HPCAL1: variants seen among roughly 807,000 people sequenced by gnomAD.
HPCAL1 encodes the protein hippocalcin-like protein 1.
In HPCAL1, 8 loss-of-function variants were observed where a neutral mutation model predicts 17.1. That is an observed-to-expected ratio of 0.47 (90% CI 0.27 to 0.84). The LOEUF (loss-of-function observed/expected upper bound fraction) is 0.84. Ranked by LOEUF, HPCAL1 falls within the 40% of genes least tolerant of loss-of-function variation. The pLI, the probability that HPCAL1 is intolerant of heterozygous loss-of-function variation, is 0.13. For synonymous variants in HPCAL1, 112 were observed against 111.4 expected (o/e 1.01, Z -0.03); for missense variants, 165 against 271.1 (o/e 0.61, Z 2.75).
rs1414368882 is a variant in HPCAL1 at position 10,330,443 on chromosome 2, G to A, written c.-111+27266G>A. Among the ~76,000 whole-genome samples the A allele has an allele frequency of 6.6e-6, 1 of 152,116 alleles. No homozygotes were observed. The highest frequency in any genetic ancestry group is 6.5e-5 in the Admixed American group (1 of 15,272). ...TAGTCAGCTCTGGCTGCTGGAAACG[G>A]GGTCATAGTCTGGGTGCCTTAAACA... On this transcript the variant is annotated intron_variant, in intron 1 of 4. Coordinates refer to ENST00000307845, the MANE Select transcript of HPCAL1 (RefSeq NM_002149.4). The surrounding 1 kb of genome is among the most constrained non-coding windows in gnomAD (Gnocchi z 4.2).
rs1169949594 is a variant in HPCAL1 at position 10,426,875 on chromosome 2, G to A, written c.*54G>A. ...AACACAGGCTTGTCGTGCCGTTTAA[G>A]CTTTGCTTGCAAGAGTGGATGCCCC... On this transcript the variant is annotated 3_prime_UTR_variant, in exon 5 of 5. Transcript: ENST00000307845. 1.3e-6 allele frequency: 2 copies of A among 1,506,564 alleles called. No homozygotes were observed. The highest frequency in any genetic ancestry group is 1.8e-6 in the Non-Finnish European group (2 of 1,084,528). 93.3% of individuals were successfully genotyped at this position (1,506,564 alleles called of 1,614,324 possible). A position where few individuals can be genotyped will look rare whatever the true frequency, so the allele number is the denominator to read the frequency against.
chr2:10,375,378 C>T (rs1667489535), intron 1 of HPCAL1, among the ~76,000 whole-genome samples: 1 of 152,222 alleles, frequency 6.6e-6, no homozygotes, highest in Admixed American at 6.5e-5. Flanking sequence ...TCAGTGGCCC[C>T]TCCCAGGACT....
intron 1 of HPCAL1, among the ~76,000 whole-genome samples, chr2:10,351,672 T>C (rs1665848095): frequency 6.6e-6 from 1 of 151,920 alleles, no homozygotes; most frequent in African/African-American, 2.4e-5. Flanking sequence ...GGTGGGAAGA[T>C]TGTTTGAGCC....
At chr2:10,353,893 C>T (rs1665984457) in intron 1 of HPCAL1, among the ~76,000 whole-genome samples, 1 of 152,196 alleles carries the variant, frequency 6.6e-6, no homozygotes, top group Non-Finnish European at 1.5e-5. Flanking sequence ...CAGCTACACT[C>T]ATTTGCTTTA....
chr2:10,412,778 G>T (rs1270177943), intron 2 of HPCAL1, among the ~76,000 whole-genome samples: 4 of 152,148 alleles, frequency 2.6e-5, no homozygotes, highest in Non-Finnish European at 4.4e-5. Flanking sequence ...GAATTTTGGG[G>T]CCCCAGTTGC....
At chr2:10,303,819 G>T (rs557118190) in intron 1 of HPCAL1, 4 of 152,438 alleles carry the variant, frequency 2.6e-5, no homozygotes, top group Admixed American at 1.3e-4. Flanking sequence ...GGCCAGACGC[G>T]CCACCTTCCC....
At chr2:10,421,086 G>C (rs1043750950) in intron 3 of HPCAL1, among the ~76,000 whole-genome samples, 2 of 152,214 alleles carry the variant, frequency 1.3e-5, no homozygotes, top group Non-Finnish European at 2.9e-5. Flanking sequence ...GGGCTCCTTG[G>C]CACTTGCAAG....
chr2:10,400,817 G>T (rs1160685906), intron 2 of HPCAL1, among the ~76,000 whole-genome samples: 1 of 152,120 alleles, frequency 6.6e-6, no homozygotes, highest in Non-Finnish European at 1.5e-5. Flanking sequence ...GGCACAACTT[G>T]GCATTCTCAT....
At chr2:10,401,043 G>A (rs1485439367) in intron 2 of HPCAL1, among the ~76,000 whole-genome samples, 1 of 152,168 alleles carries the variant, frequency 6.6e-6, no homozygotes, top group Admixed American at 6.5e-5. Flanking sequence ...AAGGAAGGGC[G>A]GCTGACCTGC....
At chr2:10,305,972 G>A (rs1001392539) in intron 1 of HPCAL1, among the ~76,000 whole-genome samples, 1 of 152,210 alleles carries the variant, frequency 6.6e-6, no homozygotes, top group African/African-American at 2.4e-5. Flanking sequence ...GGTCTGCAGC[G>A]CGGGTACAGT....
intron 2 of HPCAL1, among the ~76,000 whole-genome samples, chr2:10,397,700 C>T (rs1669146125): frequency 6.6e-6 from 1 of 152,200 alleles, no homozygotes; most frequent in Admixed American, 6.5e-5. Flanking sequence ...CTCGGGAGGG[C>T]TCCTCATGAC....
At chr2:10,349,106 T>TAACAATGCTGGCCGCTGCAG (rs1345178776) in intron 1 of HPCAL1, among the ~76,000 whole-genome samples, 14 of 147,426 alleles carry the variant, frequency 9.5e-5, no homozygotes, top group African/African-American at 3.8e-4. Flanking sequence ...TTGGCTGCAG[T>TAACAATGCTGGCCGCTGCAG]TAACAATGCT....
At chr2:10,410,424 TTTC>T (rs1321391966) in intron 2 of HPCAL1, among the ~76,000 whole-genome samples, 9 of 142,128 alleles carry the variant, frequency 6.3e-5, no homozygotes, top group Middle Eastern at 3.4e-3. Context: ...TGTTCCTCTT[TTTC>T]TTCTTCTTCT....
At position 10,323,054 on chromosome 2, in the gene HPCAL1, A is replaced by G. The variant is rs1418199354; in HGVS notation, c.-111+19877A>G. 1.3e-5 allele frequency among the ~76,000 whole-genome samples: 2 copies of G among 152,126 alleles called. No homozygotes were observed. The highest frequency in any genetic ancestry group is 1.5e-5 in the Non-Finnish European group (1 of 68,026). On this transcript the variant is annotated intron_variant, in intron 1 of 4. Coordinates refer to ENST00000307845, the MANE Select transcript of HPCAL1 (RefSeq NM_002149.4). The surrounding 1 kb of genome is among the most constrained non-coding windows in gnomAD (Gnocchi z 4.6). Reference sequence around the variant, plus strand: ...TGTTAAGCTGGTCTCTCAGGTGGGCATCAGGATTCAGCTATCCCAGGCTGA... The same window carrying G: ...TGTTAAGCTGGTCTCTCAGGTGGGCGTCAGGATTCAGCTATCCCAGGCTGA...
At position 10,359,963 on chromosome 2, in the gene HPCAL1, T is replaced by C. The variant is rs1402328515; in HGVS notation, c.-110-36872T>C. ...CCGGGTCCACAGCGCCCACCAGGTT[T>C]GATGTGGGCTGAGCACACCGTCACT... On this transcript the variant is annotated intron_variant, in intron 1 of 4. Transcript: ENST00000307845. The surrounding 1 kb of genome is among the most constrained non-coding windows in gnomAD (Gnocchi z 4.1). 6.6e-6 allele frequency among the ~76,000 whole-genome samples: 1 copy of C among 151,488 alleles called. No individual in the cohort carries two copies. The highest frequency in any genetic ancestry group is 1.5e-5 in the Non-Finnish European group (1 of 67,992).
In HPCAL1 at chr2:10,307,760, C is replaced by T. The variant is rs374899038; in HGVS notation, c.-111+4583C>T. ...CCCTCTCTGAGGGCTCACACCCACT[C>T]TTCCGGCACAGCGGAGCCTTATCTG... On this transcript the variant is annotated intron_variant, in intron 1 of 4. Transcript: ENST00000307845. 3.9e-5 allele frequency among the ~76,000 whole-genome samples: 6 copies of T among 152,284 alleles called. No individual in the cohort carries two copies. In the South Asian group the frequency reaches 1.2e-3, roughly 32 times the overall value.
chr2:10,329,269 G>A (rs1249289224), intron 1 of HPCAL1, among the ~76,000 whole-genome samples: 3 of 152,246 alleles, frequency 2.0e-5, no homozygotes, highest in Admixed American at 6.5e-5. Flanking sequence ...CTGCGGATAT[G>A]TTGCCTTATA....
intron 1 of HPCAL1, among the ~76,000 whole-genome samples, chr2:10,324,986 C>G (rs1309291770): frequency 2.7e-5 from 4 of 146,564 alleles, no homozygotes; most frequent in Non-Finnish European, 3.0e-5. Flanking sequence ...CCACGCCCAG[C>G]AATTTTTTTT....
rs758741720 is a variant in HPCAL1 at position 10,420,148 on chromosome 2, G to T, written c.378+13G>T. On this transcript the variant is annotated intron_variant, in intron 3 of 4. Transcript: ENST00000307845. Reference sequence around the variant, plus strand: ...GGAGATCGTGCAGGTACCGGCGCCCGAGGCCCCGGGTCTCACCGCGGGCCC... The same window carrying T: ...GGAGATCGTGCAGGTACCGGCGCCCTAGGCCCCGGGTCTCACCGCGGGCCC... The T allele has an allele frequency of 6.3e-7, 1 of 1,597,722 alleles. No homozygotes were observed. Among genetic ancestry groups the T allele is most frequent in the African/African-American group, 1.3e-5 (1 of 74,484 alleles).
Sources: allele counts gnomAD v4.1 joint callset (sites outside exome capture counted in the v4.1 genomes callset), GRCh38; gene constraint gnomAD v4.1.1; non-coding constraint Gnocchi (gnomAD v3.1); transcripts MANE v1.5; gene names NCBI Gene and HGNC (gene_info 2026-07-23, HGNC 2026-07-21).